The following CNGB1 variants were observed in gnomAD, a reference collection of about 807,000 sequenced individuals.
CNGB1 encodes the protein cyclic nucleotide-gated channel beta-1.
A neutral mutation model predicts 151.7 loss-of-function variants in CNGB1; 126 were observed. That is an observed-to-expected ratio of 0.83 (90% CI 0.72 to 0.96). The LOEUF is 0.96. Among genes scored for constraint, CNGB1 ranks in the 40% least tolerant of loss-of-function variants. The pLI is 0.00. For missense variants in CNGB1, 1,698 were observed against 1,627.0 expected (o/e 1.04, Z -0.75); for synonymous variants, 623 against 635.1 (o/e 0.98, Z 0.29).
intron 31 of CNGB1, among the ~76,000 whole-genome samples, chr16:57,896,497 G>C (rs549766419): frequency 6.6e-6 from 1 of 151,954 alleles, no homozygotes; most frequent in African/African-American, 2.4e-5. Context: ...GGTGGATCAC[G>C]ATGTCAGGAG....
At chr16:57,964,422 C>A in intron 3 of CNGB1, 65 bp downstream of exon 3, 1 of 1,584,522 alleles carries the variant, frequency 6.3e-7, no homozygotes, top group Non-Finnish European at 8.7e-7. Context: ...GTGGGCTCTG[C>A]GGCTCCGAGG....
chr16:57,920,614 G>T lies in CNGB1; in HGVS notation c.1644-70C>A, dbSNP rs866562350. 2.5e-5 allele frequency: 40 copies of T among 1,584,540 alleles called. No homozygotes were observed. The Middle Eastern group carries it at 1.7e-3, about 69-fold the overall frequency. ...ACCTGTGCACCCCCAGGCCAGAGCT[G>T]TGCAGCGTCTGTGTCCCACCTTCTG... On this transcript the variant is annotated intron_variant, in intron 18 of 32. Transcript: ENST00000251102.
At chr16:57,949,895 A>G (rs952508887) in intron 13 of CNGB1, among the ~76,000 whole-genome samples, 1 of 152,344 alleles carries the variant, frequency 6.6e-6, no homozygotes, top group Admixed American at 6.5e-5. Flanking sequence ...ACGTATTCAC[A>G]CATGTGCAAA....
chr16:57,932,146 G>A (rs1478556057), intron 16 of CNGB1, among the ~76,000 whole-genome samples: 1 of 152,150 alleles, frequency 6.6e-6, no homozygotes, highest in African/African-American at 2.4e-5. Context: ...TACACAGCCT[G>A]GAGCCCAGCT....
intron 18 of CNGB1, among the ~76,000 whole-genome samples, chr16:57,921,931 A>C (rs1961048068): frequency 6.6e-6 from 1 of 152,220 alleles, no homozygotes; most frequent in Non-Finnish European, 1.5e-5. Context: ...CCAGCAGCCT[A>C]GCCTGCCTAG....
At chr16:57,915,406 G>C in intron 22 of CNGB1, 71 bp from the exon 23 acceptor site, 2 of 1,167,128 alleles carry the variant, frequency 1.7e-6, no homozygotes, top group Non-Finnish European at 2.6e-6. Flanking sequence ...GGAGTGAGAG[G>C]CGGAGTCTCT....
intron 29 of CNGB1, 38 bp downstream of exon 29, chr16:57,901,314 G>C: frequency 6.2e-7 from 1 of 1,600,342 alleles, no homozygotes; most frequent in Non-Finnish European, 8.6e-7. Context: ...GGGGGATGGT[G>C]AACCCCAGAT....
intron 12 of CNGB1, chr16:57,955,118 G>A: frequency 7.0e-7 from 1 of 1,425,468 alleles, no homozygotes. Flanking sequence ...GCTGCCCATG[G>A]CTGGCCTTCC....
chr16:57,931,639 G>A lies in CNGB1; in HGVS notation c.1535+77C>T. ...TTTTAGTCCAGCTGCTTCTCCCTCTGGCCTCAGTCTCTTCATCTGCCAAAT... is the reference window on the plus strand; with the variant it reads ...TTTTAGTCCAGCTGCTTCTCCCTCTAGCCTCAGTCTCTTCATCTGCCAAAT... On this transcript the variant is annotated intron_variant, in intron 17 of 32. Coordinates refer to ENST00000251102, the MANE Select transcript of CNGB1 (RefSeq NM_001297.5). 3 of 1,518,696 alleles carry A rather than the reference G, an allele frequency of 2.0e-6. No homozygotes were observed. The South Asian group carries it at 3.5e-5, about 18-fold the overall frequency. 94.1% of individuals were successfully genotyped at this position (1,518,696 alleles called of 1,614,324 possible).
At chr16:57,958,710 C>T (rs548616517) in intron 10 of CNGB1, among the ~76,000 whole-genome samples, 1 of 145,804 alleles carries the variant, frequency 6.9e-6, no homozygotes, top group South Asian at 2.5e-4. Flanking sequence ...GGCCTCCCCC[C>T]ACCCTCCCAC....
chr16:57,886,222 C>T (rs1959926025), intron 32 of CNGB1, among the ~76,000 whole-genome samples: 1 of 152,096 alleles, frequency 6.6e-6, no homozygotes, highest in Non-Finnish European at 1.5e-5. Flanking sequence ...GCCATTCTGC[C>T]CTGGTTGTTC....
At chr16:57,902,196 G>A (rs1000121813) in intron 27 of CNGB1, among the ~76,000 whole-genome samples, 2 of 151,544 alleles carry the variant, frequency 1.3e-5, no homozygotes, top group Non-Finnish European at 1.5e-5. Flanking sequence ...TCAGCTTCCC[G>A]AGTTGCTGGG....
intron 27 of CNGB1, among the ~76,000 whole-genome samples, chr16:57,902,468 T>TA (rs1326525419): frequency 6.6e-6 from 1 of 151,996 alleles, no homozygotes; most frequent in Admixed American, 6.6e-5. Context: ...CCTGAAAAGC[T>TA]AAAAAAAATT....
intron 16 of CNGB1, among the ~76,000 whole-genome samples, chr16:57,933,904 G>A (rs908989303): frequency 6.6e-5 from 10 of 151,840 alleles, no homozygotes; most frequent in Admixed American, 2.6e-4. Context: ...TGTATTTTTA[G>A]TGGAGACGGG....
Position 57,884,606 on chromosome 16 carries a change from C to A in CNGB1, c.3463-149G>T, listed in dbSNP as rs1297632610. ...TGAAATCTAGTGGGTGGGGTGGAGC[C>A]GCATCGGGGTTATTTAGGAGAAACA... is the stretch of plus-strand genomic sequence containing the variant. On this transcript the variant is annotated intron_variant, in intron 32 of 32. Coordinates refer to ENST00000251102, the MANE Select transcript of CNGB1 (RefSeq NM_001297.5). 3.8e-6 allele frequency: 3 copies of A among 790,376 alleles called. No homozygotes were observed. The Admixed American group carries it at 6.4e-5, about 17-fold the overall frequency. The allele number at this position is 790,376 out of a possible 1,614,324, so 49.0% of individuals were successfully genotyped here. A position where few individuals can be genotyped will look rare whatever the true frequency, so the allele number is the denominator to read the frequency against.
intron 7 of CNGB1, among the ~76,000 whole-genome samples, chr16:57,961,663 T>TGAAC (rs1962260486): frequency 1.3e-5 from 2 of 151,890 alleles, no homozygotes; most frequent in South Asian, 4.2e-4. Context: ...AATGAATGAA[T>TGAAC]GAATGAGTGA....
At chr16:57,942,429 T>C (rs188237340) in intron 14 of CNGB1, among the ~76,000 whole-genome samples, 1 of 152,272 alleles carries the variant, frequency 6.6e-6, no homozygotes, top group East Asian at 1.9e-4. Context: ...CATTTCAATA[T>C]ATTAACAATG....
chr16:57,892,072 CAA>C (rs34104252), intron 31 of CNGB1, among the ~76,000 whole-genome samples: 2,270 of 96,268 alleles, frequency 0.024, 49 homozygotes, highest in African/African-American at 0.064. Context: ...CACAAAAATG[CAA>C]AAAAAAAAAA....
intron 16 of CNGB1, 82 bp from the exon 17 acceptor site, chr16:57,931,960 C>T (rs1961366904): frequency 6.8e-7 from 1 of 1,477,718 alleles, no homozygotes; most frequent in Non-Finnish European, 9.4e-7. Flanking sequence ...TTGAAGAAAA[C>T]CAGAGAAAGC....
Sources: allele counts gnomAD v4.1 joint callset (sites outside exome capture counted in the v4.1 genomes callset), GRCh38; gene constraint gnomAD v4.1.1; transcripts MANE v1.5; gene names NCBI Gene and HGNC (gene_info 2026-07-23, HGNC 2026-07-21).